Variants in MDGA2 observed in about 807,000 individuals in gnomAD.
MDGA2 encodes the protein MAM domain-containing glycosylphosphatidylinositol anchor protein 2.
A neutral mutation model predicts 117.8 loss-of-function variants in MDGA2; 40 were observed. That is an observed-to-expected ratio of 0.34 (90% CI 0.26 to 0.44). The LOEUF is 0.44. MDGA2 is among the 20% of genes least tolerant of loss of function. The pLI, the probability that MDGA2 is intolerant of heterozygous loss-of-function variation, is 1.00. For missense variants in MDGA2, 1,123 were observed against 1,250.6 expected (o/e 0.90, Z 1.54); for synonymous variants, 452 against 439.0 (o/e 1.03, Z -0.37).
chr14:47,675,043 G>T lies in MDGA2; in HGVS notation c.-247C>A. ...GCGGCGGGCGCGGGCAGGGGGCCGGGGGTGCCGCGCGGTAGGAGCCTGGCT... is the reference window on the plus strand; with the variant it reads ...GCGGCGGGCGCGGGCAGGGGGCCGGTGGTGCCGCGCGGTAGGAGCCTGGCT... On this transcript the variant is annotated 5_prime_UTR_variant, in exon 1 of 17. Transcript: ENST00000399232. The T allele has an allele frequency of 1.1e-5, 2 of 178,038 alleles. No homozygotes were observed. Among genetic ancestry groups the T allele is most frequent in the East Asian group, 1.7e-4 (1 of 6,026 alleles). The allele number at this position is 178,038 out of a possible 1,614,324, so 11.0% of individuals were successfully genotyped here. A position where few individuals can be genotyped will look rare whatever the true frequency, so the allele number is the denominator to read the frequency against.
rs899475809 is a variant in MDGA2 at position 47,675,394 on chromosome 14, G to C, written c.-598C>G. Among the ~76,000 whole-genome samples, 1 of 151,818 alleles carries C rather than the reference G, an allele frequency of 6.6e-6. No individual in the cohort carries two copies. The highest frequency in any genetic ancestry group is 3.2e-3 in the Middle Eastern group (1 of 316). ...GGAACGGGGGTGGGGAAGAGGGAAG[G>C]GAGGAGGGGGAAGAAGGAGGAGGAA... On this transcript the variant is annotated 5_prime_UTR_variant, in exon 1 of 17. Transcript: ENST00000399232.
chr14:47,616,488 G>A (rs1266310495), intron 1 of MDGA2, among the ~76,000 whole-genome samples: 1 of 152,080 alleles, frequency 6.6e-6, no homozygotes, highest in African/African-American at 2.4e-5. Context: ...TTTGGAGCAC[G>A]TACTTCTTTA....
At chr14:47,472,020 A>C (rs1008035687) in intron 1 of MDGA2, among the ~76,000 whole-genome samples, 34 of 152,298 alleles carry the variant, frequency 2.2e-4, no homozygotes, top group African/African-American at 7.5e-4. Flanking sequence ...AATAGAAAAC[A>C]ATAATGTGAA....
chr14:46,869,401 G>A (rs565216778), intron 14 of MDGA2, among the ~76,000 whole-genome samples: 4 of 142,432 alleles, frequency 2.8e-5, no homozygotes, highest in Admixed American at 7.3e-5. Flanking sequence ...TGGATTCATC[G>A]AGAATTGAAA....
intron 9 of MDGA2, among the ~76,000 whole-genome samples, chr14:46,943,116 T>C (rs1437557290): frequency 2.0e-5 from 3 of 152,086 alleles, no homozygotes; most frequent in Admixed American, 1.3e-4. Flanking sequence ...TCCCTATAAA[T>C]TCCTGTTGTA....
At chr14:47,254,522 T>C (rs1398594555) in intron 2 of MDGA2, among the ~76,000 whole-genome samples, 1 of 152,172 alleles carries the variant, frequency 6.6e-6, no homozygotes, top group Non-Finnish European at 1.5e-5. Context: ...GGACTGGACG[T>C]CATTGTCCTT....
At chr14:47,143,766 C>A (rs17118108) in intron 4 of MDGA2, among the ~76,000 whole-genome samples, 1 of 151,944 alleles carries the variant, frequency 6.6e-6, no homozygotes, top group Non-Finnish European at 1.5e-5. Flanking sequence ...TTCCACAAAA[C>A]CCAAATCAGC....
At chr14:47,457,266 T>C (rs1893374914) in intron 1 of MDGA2, among the ~76,000 whole-genome samples, 1 of 152,214 alleles carries the variant, frequency 6.6e-6, no homozygotes, top group Non-Finnish European at 1.5e-5. Context: ...AAAAAAATAA[T>C]TTCAATTCCT....
At chr14:47,086,874 T>C (rs1890921040) in intron 6 of MDGA2, among the ~76,000 whole-genome samples, 1 of 152,190 alleles carries the variant, frequency 6.6e-6, no homozygotes. Flanking sequence ...GCTTCAGTTG[T>C]GATGTTAGTT....
chr14:47,369,569 G>T (rs1173404500), intron 1 of MDGA2, among the ~76,000 whole-genome samples: 1 of 151,952 alleles, frequency 6.6e-6, no homozygotes, highest in Admixed American at 6.6e-5. Context: ...CATCTCCCCG[G>T]TCCCGACACC....
At chr14:47,020,868 C>G (rs1051056695) in intron 8 of MDGA2, among the ~76,000 whole-genome samples, 2 of 149,474 alleles carry the variant, frequency 1.3e-5, no homozygotes, top group Non-Finnish European at 3.0e-5. Context: ...ACCTTTATGA[C>G]AGTGTACTTT....
At chr14:47,093,435 C>T (rs535576571) in intron 6 of MDGA2, among the ~76,000 whole-genome samples, 1 of 152,020 alleles carries the variant, frequency 6.6e-6, no homozygotes, top group East Asian at 1.9e-4. Context: ...AAAACAGAGA[C>T]CTTTACATGG....
intron 9 of MDGA2, among the ~76,000 whole-genome samples, chr14:46,949,217 T>C (rs1885281692): frequency 6.6e-6 from 1 of 152,058 alleles, no homozygotes; most frequent in East Asian, 1.9e-4. Flanking sequence ...CTTCCATTCA[T>C]GGGAGAACTT....
Position 46,841,906 on chromosome 14 carries a change from T to C in MDGA2, c.*25A>G. On this transcript the variant is annotated 3_prime_UTR_variant, in exon 17 of 17. Transcript: ENST00000399232. ...TCTTCATGCCAGTGCCTGGTGAATCTTTTATAGCCTCTGCCAGGATAAGGT... is the reference window on the plus strand; with the variant it reads ...TCTTCATGCCAGTGCCTGGTGAATCCTTTATAGCCTCTGCCAGGATAAGGT... 1 of 1,508,154 alleles carries C rather than the reference T, an allele frequency of 6.6e-7. No individual in the cohort carries two copies. Among genetic ancestry groups the C allele is most frequent in the Non-Finnish European group, 9.1e-7 (1 of 1,097,088 alleles). 93.4% of individuals were successfully genotyped at this position (1,508,154 alleles called of 1,614,324 possible). A position where few individuals can be genotyped will look rare whatever the true frequency, so the allele number is the denominator to read the frequency against.
At position 47,059,337 on chromosome 14, in the gene MDGA2, T is replaced by C. The variant is rs12589300; in HGVS notation, c.1525+1912A>G. The C allele has an allele frequency of 2.2e-3, 2,797 of 1,275,208 alleles. 117 individuals carry two copies. The East Asian group carries it at 0.11, about 49-fold the overall frequency. The allele number at this position is 1,275,208 out of a possible 1,614,324, so 79.0% of individuals were successfully genotyped here. On this transcript the variant is annotated intron_variant, in intron 7 of 16. Transcript: ENST00000399232. Reference sequence around the variant, plus strand: ...AGTGGGTACTTTCCAGGGGTAGTGTTTTGGAAGAAGTCAATATATTTCTTT... The same window carrying C: ...AGTGGGTACTTTCCAGGGGTAGTGTCTTGGAAGAAGTCAATATATTTCTTT...
intron 1 of MDGA2, among the ~76,000 whole-genome samples, chr14:47,546,225 C>T (rs886676645): frequency 1.3e-5 from 2 of 151,960 alleles, no homozygotes; most frequent in Middle Eastern, 6.8e-3. Context: ...AATGATATAG[C>T]TTAACAGGCA....
At chr14:47,391,456 G>C (rs868480020) in intron 1 of MDGA2, among the ~76,000 whole-genome samples, 1 of 152,184 alleles carries the variant, frequency 6.6e-6, no homozygotes, top group African/African-American at 2.4e-5. Flanking sequence ...GTTTGAGGGA[G>C]TGAAAGTCAG....
intron 1 of MDGA2, among the ~76,000 whole-genome samples, chr14:47,506,990 C>T (rs1216182578): frequency 2.0e-5 from 3 of 148,016 alleles, no homozygotes; most frequent in African/African-American, 7.5e-5. Context: ...AAAAAGGCTG[C>T]TTACTTTTTT....
At chr14:47,044,139 GCAAC>G (rs1889174056) in intron 7 of MDGA2, among the ~76,000 whole-genome samples, 1 of 151,456 alleles carries the variant, frequency 6.6e-6, no homozygotes, top group African/African-American at 2.4e-5. Flanking sequence ...AGGTTACTAA[GCAAC>G]CAAAGTAAGA....
Sources: allele counts gnomAD v4.1 joint callset (sites outside exome capture counted in the v4.1 genomes callset), GRCh38; gene constraint gnomAD v4.1.1; transcripts MANE v1.5; gene names NCBI Gene and HGNC (gene_info 2026-07-23, HGNC 2026-07-21).